Variants in NUBPL observed in about 807,000 individuals in gnomAD.
The protein encoded by NUBPL is iron-sulfur cluster transfer protein NUBPL.
A neutral mutation model predicts 45.7 loss-of-function variants in NUBPL; 31 were observed. The ratio of observed to expected loss-of-function variants is 0.68; its 90% CI spans 0.51 to 0.92. The LOEUF (loss-of-function observed/expected upper bound fraction) is 0.92. Ranked by LOEUF, NUBPL falls within the 40% of genes least tolerant of loss-of-function variation. NUBPL has a pLI of 0.00. For missense variants in NUBPL, 401 were observed against 398.7 expected, an observed-to-expected ratio of 1.01 and a Z score of -0.05; for synonymous variants, 144 against 140.9, an observed-to-expected ratio of 1.02 and a Z score of -0.15.
intron 6 of NUBPL, among the ~76,000 whole-genome samples, chr14:31,785,949 A>G (rs137926765): frequency 2.2e-4 from 33 of 152,278 alleles, no homozygotes; most frequent in Non-Finnish European, 1.3e-4. Flanking sequence ...ACTTGAGCCT[A>G]GGAGTTTAAG....
chr14:31,855,522 A>G (rs1478319021), intron 10 of NUBPL, among the ~76,000 whole-genome samples: 1 of 152,166 alleles, frequency 6.6e-6, no homozygotes, highest in Non-Finnish European at 1.5e-5. Flanking sequence ...AGTTAAGCTG[A>G]TGATGCTTGT....
At chr14:31,659,536 ATTTGTTTCTAGCC>A (rs1042072665) in intron 4 of NUBPL, among the ~76,000 whole-genome samples, 4 of 152,092 alleles carry the variant, frequency 2.6e-5, no homozygotes, top group African/African-American at 9.7e-5. Context: ...AGTATGTCTT[ATTTGTTTCTAGCC>A]TTCCTTTTAC....
rs558676227 is a variant in NUBPL at position 31,712,532 on chromosome 14, G to A, written c.513+38958G>A. 9.2e-5 allele frequency among the ~76,000 whole-genome samples: 14 copies of A among 152,324 alleles called. No homozygotes were observed. In the East Asian group the frequency reaches 2.5e-3, roughly 27 times the overall value. On this transcript the variant is annotated intron_variant, in intron 6 of 10. Coordinates refer to ENST00000281081, the MANE Select transcript of NUBPL (RefSeq NM_025152.3). The stretch of plus-strand genomic sequence containing the variant: ...TGCCTCTCCCTTCACACCTCCCTGC[G>A]AGCAGAGGGAGCCAGCTCCGGCCTC...
chr14:31,715,423 C>T (rs763638125), intron 6 of NUBPL, among the ~76,000 whole-genome samples: 1 of 152,182 alleles, frequency 6.6e-6, no homozygotes, highest in Non-Finnish European at 1.5e-5. Context: ...ATTGTGCGAA[C>T]ATCATAGAGT....
intron 6 of NUBPL, among the ~76,000 whole-genome samples, chr14:31,706,444 T>C (rs969001355): frequency 2.0e-5 from 3 of 152,072 alleles, no homozygotes; most frequent in Admixed American, 1.3e-4. Context: ...GGTCCAAAGG[T>C]GAGTAACAGC....
chr14:31,815,520 C>G (rs1476896625), intron 7 of NUBPL, among the ~76,000 whole-genome samples: 7 of 152,158 alleles, frequency 4.6e-5, no homozygotes, highest in East Asian at 3.9e-4. Context: ...ATTTGAATAC[C>G]CTTTCTTTCT....
intron 6 of NUBPL, among the ~76,000 whole-genome samples, chr14:31,783,780 A>T (rs528888062): frequency 2.6e-5 from 4 of 152,302 alleles, no homozygotes; most frequent in Admixed American, 1.3e-4. Flanking sequence ...GGCCTCCCAA[A>T]GTGCTGGGAT....
At chr14:31,740,012 A>C (rs898846884) in intron 6 of NUBPL, among the ~76,000 whole-genome samples, 3 of 152,194 alleles carry the variant, frequency 2.0e-5, no homozygotes, top group Non-Finnish European at 2.9e-5. Flanking sequence ...AGTACTGAAT[A>C]ATATTTCATT....
At chr14:31,563,678 A>G (rs1306072480) in intron 2 of NUBPL, among the ~76,000 whole-genome samples, 1 of 152,182 alleles carries the variant, frequency 6.6e-6, no homozygotes. Flanking sequence ...CATGCTAGAG[A>G]TGTTTTAGAT....
chr14:31,623,245 C>T (rs1001445339), intron 4 of NUBPL, among the ~76,000 whole-genome samples: 5 of 152,212 alleles, frequency 3.3e-5, no homozygotes, highest in Non-Finnish European at 7.3e-5. Flanking sequence ...TGCCAGTACC[C>T]CCATTGTATC....
intron 4 of NUBPL, among the ~76,000 whole-genome samples, chr14:31,651,243 G>T (rs534245534): frequency 2.6e-5 from 4 of 152,114 alleles, no homozygotes; most frequent in Admixed American, 2.0e-4. Context: ...AGCAATTCTT[G>T]TGCCTCAGCC....
rs1356534392 is a variant in NUBPL at position 31,711,673 on chromosome 14, C to A, written c.513+38099C>A. 2.0e-5 allele frequency among the ~76,000 whole-genome samples: 3 copies of A among 152,072 alleles called. No individual in the cohort carries two copies. In the East Asian group the frequency reaches 5.8e-4, roughly 29 times the overall value. On this transcript the variant is annotated intron_variant, in intron 6 of 10. Transcript: ENST00000281081. ...GGTCCTTCAGATGTTCAGATGTGTC[C>A]AGAGTTTCTTCCTTCTGGTGGGTTT...
chr14:31,639,807 C>T (rs1307369177), intron 4 of NUBPL, among the ~76,000 whole-genome samples: 2 of 152,202 alleles, frequency 1.3e-5, no homozygotes, highest in East Asian at 1.9e-4. Context: ...CTCCCCCAGC[C>T]TCGCTGCCAC....
intron 4 of NUBPL, among the ~76,000 whole-genome samples, chr14:31,615,667 A>G (rs1203076660): frequency 6.6e-6 from 1 of 152,114 alleles, no homozygotes; most frequent in Non-Finnish European, 1.5e-5. Flanking sequence ...TGATATATAC[A>G]TGCCATATTT....
chr14:31,635,884 C>G (rs1595403712), intron 4 of NUBPL, among the ~76,000 whole-genome samples: 1 of 152,272 alleles, frequency 6.6e-6, no homozygotes, highest in African/African-American at 2.4e-5. Flanking sequence ...TGATTTGGCT[C>G]TCTGTTTGTC....
At chr14:31,827,635 C>T (rs1326091111) in intron 8 of NUBPL, among the ~76,000 whole-genome samples, 1 of 152,078 alleles carries the variant, frequency 6.6e-6, no homozygotes, top group Non-Finnish European at 1.5e-5. Context: ...GATTTTAGAG[C>T]ATATATATCA....
chr14:31,569,563 T>C (rs1054926741), intron 3 of NUBPL, among the ~76,000 whole-genome samples: 4 of 151,000 alleles, frequency 2.6e-5, no homozygotes, highest in African/African-American at 9.8e-5. Context: ...CCTTGCCTTT[T>C]ATACTTTCCT....
Position 31,710,742 on chromosome 14 carries a change from T to C in NUBPL, c.513+37168T>C, listed in dbSNP as rs185298270. The stretch of plus-strand genomic sequence containing the variant: ...GGTTGGAAGAGTGACACCTTTTGTC[T>C]TCACTTATATGAATAGGAAGGATAC... On this transcript the variant is annotated intron_variant, in intron 6 of 10. Transcript: ENST00000281081. Among the ~76,000 whole-genome samples the C allele has an allele frequency of 5.9e-5, 9 of 152,312 alleles. No individual in the cohort carries two copies. The East Asian group carries it at 1.7e-3, about 29-fold the overall frequency.
intron 4 of NUBPL, among the ~76,000 whole-genome samples, chr14:31,616,499 T>TG (rs1201194241): frequency 6.6e-6 from 1 of 151,522 alleles, no homozygotes; most frequent in South Asian, 2.1e-4. Context: ...GCTAGCCAGT[T>TG]TTTTTTTAAC....
Sources: gnomAD v4.1 joint callset for allele counts (sites outside exome capture counted in the v4.1 genomes callset) on GRCh38, gnomAD v4.1.1 for gene constraint, MANE v1.5 for transcripts, NCBI Gene and HGNC (gene_info 2026-07-23, HGNC 2026-07-21) for gene names.